The following TLK2 variants were observed in gnomAD, a reference collection of about 807,000 sequenced individuals.
TLK2 encodes the protein serine/threonine-protein kinase tousled-like 2.
TLK2 carries 6 observed loss-of-function variants against 117.3 expected under a neutral mutation model. That is an observed-to-expected ratio of 0.05 (90% CI 0.03 to 0.10). The LOEUF (loss-of-function observed/expected upper bound fraction) is 0.10, where lower values mean the gene tolerates loss of function less well. Among genes scored for constraint, TLK2 ranks in the 10% least tolerant of loss-of-function variants. TLK2 has a pLI of 1.00. For synonymous variants in TLK2, 257 were observed against 316.7 expected, an observed-to-expected ratio of 0.81 and a Z score of 2.00; for missense variants, 299 against 901.2, an observed-to-expected ratio of 0.33 and a Z score of 8.56.
At chr17:62,522,776 C>CT (rs1178419957) in intron 4 of TLK2, among the ~76,000 whole-genome samples, 1 of 152,100 alleles carries the variant, frequency 6.6e-6, no homozygotes, top group African/African-American at 2.4e-5. Flanking sequence ...AATGGCTTGG[C>CT]TTTTTTTCCT....
intron 6 of TLK2, among the ~76,000 whole-genome samples, chr17:62,533,916 T>C (rs1456682843): frequency 6.6e-6 from 1 of 152,210 alleles, no homozygotes. Context: ...TTTTCTAATA[T>C]CTGCACAAAC....
rs530119026 is a variant in TLK2 at position 62,564,723 on chromosome 17, CAAAA to C, written c.832-275_832-272del. On this transcript the variant is annotated intron_variant, in intron 10 of 21. Transcript: ENST00000346027. ...ACTCTGTCTTAAAAAAAAAAACAAA[CAAAA>C]AACCAACCAAACAAACAAAAAACCC... 3.3e-5 allele frequency among the ~76,000 whole-genome samples: 5 copies of C among 150,982 alleles called. No individual in the cohort carries two copies. In the East Asian group the frequency reaches 7.8e-4, roughly 23 times the overall value.
At chr17:62,600,101 G>A (rs943522094) in intron 17 of TLK2, among the ~76,000 whole-genome samples, 30 of 152,336 alleles carry the variant, frequency 2.0e-4, no homozygotes, top group African/African-American at 6.5e-4. Context: ...TATGCAGTCA[G>A]TTTTTGGGAC....
chr17:62,597,816 C>G (rs1279054455), intron 17 of TLK2, among the ~76,000 whole-genome samples: 1 of 152,110 alleles, frequency 6.6e-6, no homozygotes, highest in African/African-American at 2.4e-5. Context: ...GGTAACCTCC[C>G]GTGCCTCTGG....
intron 2 of TLK2, chr17:62,516,490 G>T: frequency 5.0e-6 from 8 of 1,606,514 alleles, no homozygotes; most frequent in Non-Finnish European, 6.8e-6. Flanking sequence ...ACGGCGTAGG[G>T]TGGCAGGCAC....
At chr17:62,542,480 G>C (rs2077606974) in intron 7 of TLK2, among the ~76,000 whole-genome samples, 1 of 152,108 alleles carries the variant, frequency 6.6e-6, no homozygotes, top group South Asian at 2.1e-4. Context: ...CTTTCACCCA[G>C]TCTTTCTTTC....
intron 1 of TLK2, among the ~76,000 whole-genome samples, chr17:62,472,295 C>T (rs1262089321): frequency 6.6e-6 from 1 of 152,108 alleles, no homozygotes; most frequent in East Asian, 1.9e-4. Flanking sequence ...ACTGTTATGC[C>T]TACAGTTTGC....
At chr17:62,481,436 G>C in intron 2 of TLK2, among the ~76,000 whole-genome samples, 1 of 152,144 alleles carries the variant, frequency 6.6e-6, no homozygotes, top group Non-Finnish European at 1.5e-5. Flanking sequence ...TTCTGGTATA[G>C]GAGAGGTTTC....
At chr17:62,607,968 C>T in intron 20 of TLK2, 73 bp from the exon 21 acceptor site, 2 of 1,258,986 alleles carry the variant, frequency 1.6e-6, no homozygotes, top group East Asian at 2.3e-5. Flanking sequence ...CTTTTCCTTC[C>T]CTGGGGTATT....
intron 16 of TLK2, among the ~76,000 whole-genome samples, chr17:62,592,862 G>A (rs754004988): frequency 2.3e-4 from 35 of 152,206 alleles, no homozygotes; most frequent in Non-Finnish European, 4.6e-4. Context: ...GGTGGTCATG[G>A]GAGACAGTGA....
intron 2 of TLK2, 92 bp downstream of exon 2, chr17:62,481,298 T>G (rs556547791): frequency 3.6e-4 from 504 of 1,393,274 alleles, no homozygotes; most frequent in South Asian, 4.9e-5. Context: ...GCCCTTCTGA[T>G]AGTTTGCAGG....
intron 16 of TLK2, among the ~76,000 whole-genome samples, chr17:62,595,888 A>C (rs2082442423): frequency 6.6e-6 from 1 of 152,152 alleles, no homozygotes; most frequent in African/African-American, 2.4e-5. Context: ...ATGTTACCCG[A>C]GCATATATAC....
intron 17 of TLK2, 92 bp from the exon 18 acceptor site, chr17:62,600,559 G>A: frequency 9.4e-7 from 1 of 1,063,092 alleles, no homozygotes. Context: ...GTGAGAAGCT[G>A]ATGACCTGAA....
intron 18 of TLK2, among the ~76,000 whole-genome samples, chr17:62,601,206 C>T (rs1394084295): frequency 6.6e-6 from 1 of 152,066 alleles, no homozygotes; most frequent in Non-Finnish European, 1.5e-5. Flanking sequence ...ACTTATATGC[C>T]TCCCATTTCA....
intron 16 of TLK2, among the ~76,000 whole-genome samples, chr17:62,588,073 TA>T (rs1175406916): frequency 1.5e-5 from 2 of 137,578 alleles, no homozygotes; most frequent in Non-Finnish European, 3.1e-5. Context: ...TACATCTGTA[TA>T]TGTATAAAAT....
chr17:62,537,249 CT>C (rs2077180013), intron 7 of TLK2, among the ~76,000 whole-genome samples: 1 of 152,084 alleles, frequency 6.6e-6, no homozygotes, highest in African/African-American at 2.4e-5. Flanking sequence ...TGGTGGTTGT[CT>C]TAAGGAAAGG....
At chr17:62,578,361 C>T in intron 13 of TLK2, 116 bp from the exon 14 acceptor site, 1 of 759,336 alleles carries the variant, frequency 1.3e-6, no homozygotes, top group South Asian at 1.6e-5. Flanking sequence ...TCTTTCAATG[C>T]AAAGCACCTT....
At chr17:62,594,819 CA>C (rs1567991645) in intron 16 of TLK2, among the ~76,000 whole-genome samples, 2 of 151,134 alleles carry the variant, frequency 1.3e-5, no homozygotes, top group Non-Finnish European at 3.0e-5. Context: ...CACACACACA[CA>C]CACACACACA....
In TLK2 at chr17:62,573,362, T is replaced by G. The variant is rs2080468415; in HGVS notation, c.1116T>G (p.Asn372Lys). 6.2e-7 allele frequency: 1 copy of G among 1,613,862 alleles called. No homozygotes were observed. Reference sequence around the variant, plus strand: ...AAAGCAAGACCAATGGAGCTGAAAATGAAACGTATGTTCTTTATTGACGTG... The same window carrying G: ...AAAGCAAGACCAATGGAGCTGAAAAGGAAACGTATGTTCTTTATTGACGTG... ...QRKSKTNGAE[N>K]ETLTLAEYHE... The change falls in exon 12 of 22, where the codon AAT becomes AAG. Residue 372 changes from asparagine to lysine, a missense_variant. Coordinates refer to ENST00000346027, the MANE Select transcript of TLK2 (RefSeq NM_006852.6).
Sources: allele counts gnomAD v4.1 joint callset (sites outside exome capture counted in the v4.1 genomes callset), GRCh38; gene constraint gnomAD v4.1.1; transcripts MANE v1.5; gene names NCBI Gene and HGNC (gene_info 2026-07-23, HGNC 2026-07-21).